The following VWA7 variants were observed in gnomAD, a reference collection of about 807,000 sequenced individuals.
VWA7 encodes von Willebrand factor A domain-containing protein 7.
A neutral mutation model predicts 83.1 loss-of-function variants in VWA7; 66 were observed. The observed-to-expected ratio is 0.79, with a 90% CI of 0.65 to 0.98. The LOEUF is 0.98. Among genes scored for constraint, VWA7 ranks in the 50% least tolerant of loss-of-function variants. The pLI, the probability that VWA7 is intolerant of heterozygous loss-of-function variation, is 0.00. For missense variants in VWA7, 1,080 were observed against 1,160.2 expected (o/e 0.93, Z 1.00); for synonymous variants, 424 against 488.5 (o/e 0.87, Z 1.74).
At position 31,770,729 on chromosome 6, in the gene VWA7, TAA is replaced by T. The variant is rs9279414; in HGVS notation, c.1088-618_1088-617del. On this transcript the variant is annotated intron_variant, in intron 7 of 16. Transcript: ENST00000375688. ...CCTTTATTGGCTACATGTGCGTATA[TAA>T]AAAAAAAAATGGTCACACCTATTAT... 6.9e-5 allele frequency among the ~76,000 whole-genome samples: 10 copies of T among 145,690 alleles called. No individual in the cohort carries two copies. In the East Asian group the frequency reaches 1.2e-3, roughly 17 times the overall value.
At position 31,775,405 on chromosome 6, in the gene VWA7, C is replaced by T. The variant is rs756768638; in HGVS notation, c.538G>A (p.Val180Met). 1 of 1,612,328 alleles carries T rather than the reference C, an allele frequency of 6.2e-7. No homozygotes were observed. Among genetic ancestry groups the T allele is most frequent in the Non-Finnish European group, 8.5e-7 (1 of 1,179,762 alleles). ...LQDFYSHSNW[V>M]ELGEQQPHPH... ...TGTGGCTGCTGCTCGCCCAGCTCCA[C>T]CCAGTTGCTATGACTGTAGAAATCC... Residue 180 changes from valine to methionine, a missense_variant, in exon 4 of 17, where the codon GTG (valine) becomes ATG (methionine). Coordinates refer to ENST00000375688, the MANE Select transcript of VWA7 (RefSeq NM_025258.3). The surrounding 1 kb of genome is among the most constrained non-coding windows in gnomAD (Gnocchi z 5.9).
intron 7 of VWA7, among the ~76,000 whole-genome samples, chr6:31,770,921 G>A (rs1812112647): frequency 6.6e-6 from 1 of 150,976 alleles, no homozygotes; most frequent in Non-Finnish European, 1.5e-5. Context: ...TGTGGCAGGA[G>A]GATTGCTTGA....
chr6:31,771,152 C>T (rs897912099), intron 7 of VWA7: 1 of 151,992 alleles, frequency 6.6e-6, no homozygotes, highest in Non-Finnish European at 1.5e-5. Flanking sequence ...TGCTTTGACA[C>T]ATAAGTGCTA....
chr6:31,768,139 CAAAA>C (rs9279412), intron 10 of VWA7, among the ~76,000 whole-genome samples: 3 of 77,104 alleles, frequency 3.9e-5, no homozygotes, highest in Non-Finnish European at 7.2e-5. Context: ...GACTCTGTCT[CAAAA>C]AAAAAAAAAA....
chr6:31,766,041 T>G lies in VWA7; in HGVS notation c.2341A>C (p.Asn781His). 1 of 1,612,944 alleles carries G rather than the reference T, an allele frequency of 6.2e-7. No homozygotes were observed. The highest frequency in any genetic ancestry group is 8.5e-7 in the Non-Finnish European group (1 of 1,180,024). The change falls in exon 16 of 17, where the codon AAT (asparagine) becomes CAT (histidine). Residue 781 changes from asparagine (N) to histidine (H), a missense_variant. Asn to His is a moderately conservative substitution (Grantham distance 68). Transcript: ENST00000375688. This position sits in a 1 kb window ranked among gnomAD's most constrained non-coding sequence, Gnocchi z 4.9. ...SNLSRAHLELNESAWGRLWLE... is the reference protein window; with the variant it reads ...SNLSRAHLELHESAWGRLWLE... Reference sequence around the variant, plus strand: ...CACAGGCGGCCCCAGGCCGACTCATTCAGTTCCAGGTGAGCCCTGGAGAGA... The same window carrying G: ...CACAGGCGGCCCCAGGCCGACTCATGCAGTTCCAGGTGAGCCCTGGAGAGA...
Position 31,769,847 on chromosome 6 carries a change from G to A in VWA7, c.1201-56C>T. On this transcript the variant is annotated intron_variant, in intron 8 of 16. Transcript: ENST00000375688. The surrounding 1 kb of genome is among the most constrained non-coding windows in gnomAD (Gnocchi z 4.5). ...AATGGCAGTAGGAGGGGAATGGGTA[G>A]AGCCACGGAGGATGAAGCAGAAGGG... 4 of 1,547,950 alleles carry A rather than the reference G, an allele frequency of 2.6e-6. No individual in the cohort carries two copies. Among genetic ancestry groups the A allele is most frequent in the Non-Finnish European group, 3.6e-6 (4 of 1,121,456 alleles).
At position 31,769,977 on chromosome 6, in the gene VWA7, C is replaced by G; in HGVS notation, c.1200+24G>C. 4 of 1,609,140 alleles carry G rather than the reference C, an allele frequency of 2.5e-6. No individual in the cohort carries two copies. Among genetic ancestry groups the G allele is most frequent in the African/African-American group, 1.3e-5 (1 of 74,822 alleles). On this transcript the variant is annotated intron_variant, in intron 8 of 16. Coordinates refer to ENST00000375688, the MANE Select transcript of VWA7 (RefSeq NM_025258.3). The surrounding 1 kb of genome is among the most constrained non-coding windows in gnomAD (Gnocchi z 4.5). ...TCCCCCTGGTGGTGGGGCCAGGAAA[C>G]GGGGAAGAAGGGAGGGGCCAGACCT...
In VWA7 at chr6:31,766,184, C is replaced by T; in HGVS notation, c.2324+61G>A. On this transcript the variant is annotated intron_variant, in intron 15 of 16. Coordinates refer to ENST00000375688, the MANE Select transcript of VWA7 (RefSeq NM_025258.3). The surrounding 1 kb of genome is among the most constrained non-coding windows in gnomAD (Gnocchi z 4.9). ...CAGTCGGAGGGGGACAGGGGCAGGG[C>T]TTGGGATAAGCATTGGCCGGGCAAG... 6.2e-7 allele frequency: 1 copy of T among 1,600,712 alleles called. No homozygotes were observed. The highest frequency in any genetic ancestry group is 1.8e-4 in the Middle Eastern group (1 of 5,426).
Position 31,774,504 on chromosome 6 carries a change from C to A in VWA7, c.721+12G>T, listed in dbSNP as rs949420672. On this transcript the variant is annotated intron_variant, in intron 5 of 16. Transcript: ENST00000375688. ...TCTCCCCTTACTTCTGGGGAACTTT[C>A]TTGTCTGGTACCTGGAGGTTTCGGG... The A allele has an allele frequency of 6.2e-7, 1 of 1,611,862 alleles. No individual in the cohort carries two copies. Among genetic ancestry groups the A allele is most frequent in the Non-Finnish European group, 8.5e-7 (1 of 1,179,346 alleles).
intron 5 of VWA7, among the ~76,000 whole-genome samples, chr6:31,774,240 T>G (rs1461501963): frequency 1.3e-5 from 2 of 150,826 alleles, no homozygotes; most frequent in Non-Finnish European, 2.9e-5. Context: ...TGGTGGTCAG[T>G]CACCACAGCA....
In VWA7 at chr6:31,773,045, A is replaced by G; in HGVS notation, c.996T>C (p.Ala332=). 1 of 1,612,584 alleles carries G rather than the reference A, an allele frequency of 6.2e-7. No individual in the cohort carries two copies. The highest frequency in any genetic ancestry group is 8.5e-7 in the Non-Finnish European group (1 of 1,179,876). Residue 332 remains alanine, a synonymous_variant, in exon 7 of 17, where the codon GCT becomes GCC. Transcript: ENST00000375688. This position sits in a 1 kb window ranked among gnomAD's most constrained non-coding sequence, Gnocchi z 5.3. ...TTGSMGEEIN[A]AKIQARHLVE... is the part of the protein sequence containing the mutation. Reference sequence around the variant, plus strand: ...CAAGGTGGCGAGCCTGGATTTTGGCAGCGTTGATCTCCTCACCCATGCTGC... The same window carrying G: ...CAAGGTGGCGAGCCTGGATTTTGGCGGCGTTGATCTCCTCACCCATGCTGC...
rs762712509 is a variant in VWA7, at chr6:31,766,593, G to T, written c.2054C>A (p.Ala685Asp). 6 of 1,612,886 alleles carry T rather than the reference G, an allele frequency of 3.7e-6. No homozygotes were observed. The highest frequency in any genetic ancestry group is 4.2e-6 in the Non-Finnish European group (5 of 1,180,024). ...VGPPERGLLA[A>D]SLSPTLLSTP... ...GGACAGCAGCGTGGGCGACAGCGAG[G>T]CTGCGAGGAGACCTCGCTCCGGAGG... Residue 685 changes from alanine (A) to aspartate (D), a missense_variant, in exon 14 of 17, where the codon GCC becomes GAC. Physicochemically the swap from Ala to Asp is moderately radical, Grantham distance 126. Coordinates refer to ENST00000375688, the MANE Select transcript of VWA7 (RefSeq NM_025258.3). This position sits in a 1 kb window ranked among gnomAD's most constrained non-coding sequence, Gnocchi z 4.9.
intron 7 of VWA7, among the ~76,000 whole-genome samples, chr6:31,770,424 T>A (rs1812062470): frequency 6.7e-6 from 1 of 150,028 alleles, no homozygotes; most frequent in African/African-American, 2.5e-5. Context: ...GCCCGTAGCC[T>A]CCCCAGTAGC....
At position 31,774,631 on chromosome 6, in the gene VWA7, G is replaced by A; in HGVS notation, c.611-5C>T. On this transcript the variant is annotated splice_region_variant and splice_polypyrimidine_tract_variant and intron_variant, in intron 4 of 16. Transcript: ENST00000375688. ...CGGAGCAGGTAGGATCGGCCACTGG[G>A]AAGAGAGGGCAGGGCTAGAACCCAA... 6.2e-7 allele frequency: 1 copy of A among 1,611,006 alleles called. No homozygotes were observed. The highest frequency in any genetic ancestry group is 8.5e-7 in the Non-Finnish European group (1 of 1,179,024).
Position 31,769,905 on chromosome 6 carries a change from TG to T in VWA7, c.1200+95del, listed in dbSNP as rs1812006482. The T allele has an allele frequency of 2.7e-6, 4 of 1,478,782 alleles. No homozygotes were observed. In the Admixed American group the frequency reaches 5.1e-5, roughly 19 times the overall value. The allele number at this position is 1,478,782 out of a possible 1,614,324, so 91.6% of individuals were successfully genotyped here. On this transcript the variant is annotated intron_variant, in intron 8 of 16. Transcript: ENST00000375688. This position sits in a 1 kb window ranked among gnomAD's most constrained non-coding sequence, Gnocchi z 4.5. ...CCCGGGAACCCTACAGTGAAGCTAG[TG>T]GATCTAGGTGCTGAAGGTGGTGGGG...
Position 31,772,984 on chromosome 6 carries a change from G to A in VWA7, c.1057C>T (p.His353Tyr). The part of the protein sequence containing the change: ...QRRGSPMEPV[H>Y]YVLVPFHDPG... ...TCATGAAAAGGCACCAGGACATAGT[G>A]GACAGGCTCCATGGGGCTGCCTCTC... Residue 353 changes from histidine to tyrosine, a missense_variant, in exon 7 of 17, where the codon CAC (histidine) becomes TAC (tyrosine). Coordinates refer to ENST00000375688, the MANE Select transcript of VWA7 (RefSeq NM_025258.3). 6.2e-7 allele frequency: 1 copy of A among 1,603,632 alleles called. No homozygotes were observed. The highest frequency in any genetic ancestry group is 1.1e-5 in the South Asian group (1 of 90,882).
Position 31,769,178 on chromosome 6 carries a change from G to T in VWA7, c.1343C>A (p.Thr448Lys), listed in dbSNP as rs761811618. The T allele has an allele frequency of 3.7e-6, 6 of 1,612,522 alleles. No individual in the cohort carries two copies. In the Admixed American group the frequency reaches 8.3e-5, roughly 22 times the overall value. Residue 448 changes from threonine (T) to lysine (K), a missense_variant, in exon 10 of 17, where the codon ACA becomes AAA. By Grantham distance (78) the Thr-to-Lys change is moderately conservative. Coordinates refer to ENST00000375688, the MANE Select transcript of VWA7 (RefSeq NM_025258.3). The surrounding 1 kb of genome is among the most constrained non-coding windows in gnomAD (Gnocchi z 4.5). ...CRVTFLVTED[T>K]SRVQGRARRE... is the part of the protein sequence containing the mutation. ...CCGAGCTCGACCCTGAACCCTTGAT[G>T]TATCTTCAGTCACCAGGAATGTTAC...
Position 31,769,057 on chromosome 6 carries a change from TC to T in VWA7, c.1463del (p.Arg488GlnfsTer15). 6.2e-7 allele frequency: 1 copy of T among 1,612,960 alleles called. No individual in the cohort carries two copies. Among genetic ancestry groups the T allele is most frequent in the Non-Finnish European group, 8.5e-7 (1 of 1,179,982 alleles). ...EVIFTKDQHIRDVAAIVGESM... is the reference protein window; with the variant it reads ...EVIFTKDQHIXDVAAIVGESM... The stretch of plus-strand genomic sequence containing the variant: ...TCTCCCCAACAATGGCTGCCACGTC[TC>T]GAATGTGCTGGTCTTTGGTGAAGAT... On this transcript the variant is annotated frameshift_variant, in exon 10 of 17. Coordinates refer to ENST00000375688, the MANE Select transcript of VWA7 (RefSeq NM_025258.3). LOFTEE classifies it high-confidence loss of function. This position sits in a 1 kb window ranked among gnomAD's most constrained non-coding sequence, Gnocchi z 4.5.
rs1392866401 is a variant in VWA7, at chr6:31,766,361, C to T, written c.2208G>A (p.Leu736=). The change falls in exon 15 of 17, where the codon TTG becomes TTA. Residue 736 remains leucine, a synonymous_variant. Transcript: ENST00000375688. The surrounding 1 kb of genome is among the most constrained non-coding windows in gnomAD (Gnocchi z 4.9). The part of the protein sequence containing the change: ...LLELSGPSGF[L]APGSKVPLSL... The stretch of plus-strand genomic sequence containing the variant: ...TGAGCGGGACTTTGCTGCCCGGGGC[C>T]AAGAAACCCGAGGGGCCACTAAGCT... 6.2e-7 allele frequency: 1 copy of T among 1,603,724 alleles called. No individual in the cohort carries two copies. The highest frequency in any genetic ancestry group is 2.2e-5 in the East Asian group (1 of 44,642).
Sources: gnomAD v4.1 joint callset for allele counts (sites outside exome capture counted in the v4.1 genomes callset) on GRCh38, gnomAD v4.1.1 for gene constraint, Gnocchi (gnomAD v3.1) non-coding constraint, MANE v1.5 for transcripts, NCBI Gene and HGNC (gene_info 2026-07-23, HGNC 2026-07-21) for gene names.